The following ONECUT1 variants were observed in gnomAD, a reference collection of about 807,000 sequenced individuals.
ONECUT1 encodes one cut homeobox 1.
In ONECUT1, 12 loss-of-function variants were observed where a neutral mutation model predicts 25.6. The ratio of observed to expected loss-of-function variants is 0.47; its 90% CI spans 0.30 to 0.76. The LOEUF (loss-of-function observed/expected upper bound fraction) is 0.76. Ranked by LOEUF, ONECUT1 falls within the 30% of genes least tolerant of loss-of-function variation. The pLI is 0.07. For synonymous variants in ONECUT1, 285 were observed against 270.2 expected (o/e 1.05, Z -0.54); for missense variants, 620 against 651.2 (o/e 0.95, Z 0.52).
chr15:52,789,286 T>G lies in ONECUT1; in HGVS notation c.599A>C (p.Tyr200Ser). The change falls in exon 1 of 2, where the codon TAT (tyrosine) becomes TCT (serine). Residue 200 changes from tyrosine (Y) to serine (S), a missense_variant. Around this residue, in one of 4 missense-constraint regions of ONECUT1, gnomAD observed 440 missense variants for 404.9 expected, o/e 1.09. Coordinates refer to ENST00000305901, the MANE Select transcript of ONECUT1 (RefSeq NM_004498.4). The surrounding 1 kb of genome is among the most constrained non-coding windows in gnomAD (Gnocchi z 4.1). ...IHNSQQGLPH[Y>S]AHPGAAMPTD... Reference sequence around the variant, plus strand: ...GGGCATGGCGGCCCCCGGGTGGGCATAGTGGGGGAGCCCTTGCTGGGAGTT... The same window carrying G: ...GGGCATGGCGGCCCCCGGGTGGGCAGAGTGGGGGAGCCCTTGCTGGGAGTT... The G allele has an allele frequency of 1.3e-6, 2 of 1,553,378 alleles. No homozygotes were observed. The highest frequency in any genetic ancestry group is 1.7e-4 in the Middle Eastern group (1 of 5,760).
At chr15:52,761,005 T>C (rs2083702722) in intron 1 of ONECUT1, among the ~76,000 whole-genome samples, 1 of 43,806 alleles carries the variant, frequency 2.3e-5, no homozygotes, top group African/African-American at 1.0e-4. Flanking sequence ...CCAAAGGTTA[T>C]GCCACTCTGG....
chr15:52,784,124 AC>A lies in ONECUT1; in HGVS notation c.1105+4655del, dbSNP rs576858772. Among the ~76,000 whole-genome samples, 1 of 152,158 alleles carries A rather than the reference AC, an allele frequency of 6.6e-6. No individual in the cohort carries two copies. The highest frequency in any genetic ancestry group is 1.5e-5 in the Non-Finnish European group (1 of 68,020). On this transcript the variant is annotated intron_variant, in intron 1 of 1. Transcript: ENST00000305901. The surrounding 1 kb of genome is among the most constrained non-coding windows in gnomAD (Gnocchi z 5.0). ...GCCGCAGCCGCAGCACAGCCCGGCT[AC>A]CCCCAGAAAGGGAGCCGAATGGAGG...
intron 1 of ONECUT1, among the ~76,000 whole-genome samples, chr15:52,774,331 G>A (rs144000940): frequency 0.016 from 2,243 of 139,422 alleles, 64 homozygotes; most frequent in African/African-American, 0.055. Flanking sequence ...ACAGAGTTTC[G>A]CTCTTGTTGC....
At chr15:52,757,876 C>G in intron 1 of ONECUT1, 29 bp from the exon 2 acceptor site, 1 of 1,601,468 alleles carries the variant, frequency 6.2e-7, no homozygotes, top group Non-Finnish European at 8.5e-7. Flanking sequence ...GATGTTAGAA[C>G]AAATGGTCTA....
chr15:52,780,781 A>G, intron 1 of ONECUT1: 18 of 1,415,142 alleles, frequency 1.3e-5, no homozygotes, highest in South Asian at 7.8e-5. Context: ...CAAAAAGCAC[A>G]TAGTTTATTG....
intron 1 of ONECUT1, among the ~76,000 whole-genome samples, chr15:52,762,522 G>GT (rs2083711815): frequency 6.6e-6 from 1 of 152,172 alleles, no homozygotes; most frequent in African/African-American, 2.4e-5. Context: ...CTCAAGCACT[G>GT]TAGACGTTAC....
intron 1 of ONECUT1, among the ~76,000 whole-genome samples, chr15:52,769,266 T>C (rs1264607928): frequency 6.6e-6 from 1 of 152,192 alleles, no homozygotes; most frequent in East Asian, 1.9e-4. Context: ...TCTCACACAG[T>C]CTGTAATACT....
intron 1 of ONECUT1, among the ~76,000 whole-genome samples, chr15:52,763,695 A>C (rs900480857): frequency 1.3e-5 from 2 of 152,212 alleles, no homozygotes; most frequent in Non-Finnish European, 2.9e-5. Flanking sequence ...AGAACTCTTT[A>C]TTCAGGGAAT....
intron 1 of ONECUT1, among the ~76,000 whole-genome samples, chr15:52,761,165 G>A (rs569936253): frequency 6.6e-6 from 1 of 152,260 alleles, no homozygotes; most frequent in Admixed American, 6.5e-5. Flanking sequence ...CAACTCTAAA[G>A]AGTCATCTGG....
chr15:52,780,871 C>A (rs1414006494), intron 1 of ONECUT1: 1 of 1,338,350 alleles, frequency 7.5e-7, no homozygotes, highest in Non-Finnish European at 9.6e-7. Context: ...CAGAAACCGT[C>A]GATTCTGAAT....
chr15:52,788,814 C>G lies in ONECUT1; in HGVS notation c.1071G>C (p.Pro357=). The G allele has an allele frequency of 6.2e-7, 1 of 1,613,106 alleles. No homozygotes were observed. Among genetic ancestry groups the G allele is most frequent in the Non-Finnish European group, 8.5e-7 (1 of 1,179,334 alleles). Reference sequence around the variant, plus strand: ...GGAGCGCGGACATGCGCTGGAACTCCGGCTCCTGCAGCCACTTCCACATCC... The same window carrying G: ...GGAGCGCGGACATGCGCTGGAACTCGGGCTCCTGCAGCCACTTCCACATCC... ...FRRMWKWLQE[P]EFQRMSALRL... Residue 357 remains proline (P), a synonymous_variant, in exon 1 of 2, where the codon CCG becomes CCC. Coordinates refer to ENST00000305901, the MANE Select transcript of ONECUT1 (RefSeq NM_004498.4). The surrounding 1 kb of genome is among the most constrained non-coding windows in gnomAD (Gnocchi z 4.3).
chr15:52,774,175 C>G (rs952981502), intron 1 of ONECUT1, among the ~76,000 whole-genome samples: 16 of 147,656 alleles, frequency 1.1e-4, no homozygotes, highest in Non-Finnish European at 1.8e-4. Context: ...AGAGGGTTAT[C>G]TGTGTGGGGT....
chr15:52,776,251 G>A (rs1430465538), intron 1 of ONECUT1, among the ~76,000 whole-genome samples: 5 of 152,152 alleles, frequency 3.3e-5, no homozygotes, highest in Non-Finnish European at 5.9e-5. Context: ...TATTTGAGAG[G>A]GTGAACTATT....
chr15:52,767,578 T>C (rs1257117243), intron 1 of ONECUT1, among the ~76,000 whole-genome samples: 1 of 152,030 alleles, frequency 6.6e-6, no homozygotes, highest in East Asian at 1.9e-4. Flanking sequence ...TCCATGAAGC[T>C]CTCCCCCTGT....
intron 1 of ONECUT1, among the ~76,000 whole-genome samples, chr15:52,767,806 T>A (rs1241098366): frequency 1.3e-5 from 2 of 152,160 alleles, no homozygotes; most frequent in Admixed American, 6.6e-5. Flanking sequence ...CATCAACAGG[T>A]GAACGGATAA....
intron 1 of ONECUT1, among the ~76,000 whole-genome samples, chr15:52,770,341 C>T (rs1378994033): frequency 2.0e-5 from 3 of 152,254 alleles, no homozygotes; most frequent in African/African-American, 7.2e-5. Context: ...GATTCTAATA[C>T]TTAGCCAAGG....
At chr15:52,783,489 G>A (rs1444237912) in intron 1 of ONECUT1, among the ~76,000 whole-genome samples, 1 of 152,216 alleles carries the variant, frequency 6.6e-6, no homozygotes, top group Admixed American at 6.5e-5. Flanking sequence ...CCAGGCGTCA[G>A]GGCGGTGGGA....
chr15:52,778,758 A>G (rs968707011), intron 1 of ONECUT1, among the ~76,000 whole-genome samples: 27 of 152,238 alleles, frequency 1.8e-4, no homozygotes, highest in African/African-American at 5.5e-4. Flanking sequence ...ACAGAGCACT[A>G]AACTTAGAAG....
intron 1 of ONECUT1, among the ~76,000 whole-genome samples, chr15:52,768,929 C>A (rs185940875): frequency 1.3e-5 from 2 of 152,290 alleles, no homozygotes; most frequent in Admixed American, 6.5e-5. Flanking sequence ...GACCTTGACA[C>A]CCTGACCTCA....
Sources: gnomAD v4.1 joint callset for allele counts (sites outside exome capture counted in the v4.1 genomes callset) on GRCh38, gnomAD v4.1.1 for gene constraint, gnomAD v4.1.1 regional missense constraint, Gnocchi (gnomAD v3.1) non-coding constraint, MANE v1.5 for transcripts, NCBI Gene and HGNC (gene_info 2026-07-23, HGNC 2026-07-21) for gene names.